The following RIMOC1 variants were observed in gnomAD, a reference collection of about 807,000 sequenced individuals.
RIMOC1 encodes the protein RAB7A-interacting MON1-CCZ1 complex subunit 1.
the RIMOC1 span, chr5:41,910,905 G>A: frequency 1.3e-6 from 1 of 742,002 alleles, no homozygotes; most frequent in South Asian, 1.9e-5. Context: ...TTGAAAATAA[G>A]GCCTCCCTGT....
chr5:41,917,149 T>C, the RIMOC1 span: 2 of 1,613,856 alleles, frequency 1.2e-6, no homozygotes, highest in Non-Finnish European at 1.7e-6. Context: ...CGGGCTGCAC[T>C]ACATACAAGG....
chr5:41,919,917 A>C, the RIMOC1 span: 1 of 152,138 alleles, frequency 6.6e-6, no homozygotes, highest in Non-Finnish European at 1.5e-5. Context: ...ACCTGTATAC[A>C]TAGTGCTTAA....
the RIMOC1 span, chr5:41,909,801 C>T: frequency 6.3e-6 from 10 of 1,589,540 alleles, no homozygotes; most frequent in East Asian, 2.3e-5. Context: ...GAAGATTTTC[C>T]TGAAGACTCT....
chr5:41,907,975 G>C, the RIMOC1 span: 1 of 622,708 alleles, frequency 1.6e-6, no homozygotes, highest in East Asian at 3.1e-5. Context: ...AAAAAACTAT[G>C]AATAAAACAC....
At chr5:41,912,348 G>A in the RIMOC1 span, among the ~76,000 whole-genome samples, 1 of 152,190 alleles carries the variant, frequency 6.6e-6, no homozygotes, top group Non-Finnish European at 1.5e-5. Context: ...AAAATCTTTT[G>A]ATGTAATACA....
At chr5:41,919,210 A>C in the RIMOC1 span, 1 of 152,282 alleles carries the variant, frequency 6.6e-6, no homozygotes, top group East Asian at 1.9e-4. Flanking sequence ...CCAAACGTCA[A>C]GTCCTCATCT....
chr5:41,913,569 A>G, the RIMOC1 span, among the ~76,000 whole-genome samples: 1 of 152,216 alleles, frequency 6.6e-6, no homozygotes, highest in Non-Finnish European at 1.5e-5. Flanking sequence ...ATTAGATCAC[A>G]TGTGTAAACC....
chr5:41,914,318 T>C, the RIMOC1 span, among the ~76,000 whole-genome samples: 1 of 152,094 alleles, frequency 6.6e-6, no homozygotes, highest in African/African-American at 2.4e-5. Flanking sequence ...TGCTACATAC[T>C]GTCCTAAGTC....
At chr5:41,913,738 G>GA in the RIMOC1 span, among the ~76,000 whole-genome samples, 2 of 151,676 alleles carry the variant, frequency 1.3e-5, no homozygotes, top group African/African-American at 4.8e-5. Flanking sequence ...GCATTTCATA[G>GA]AAAAAAAATA....
chr5:41,916,962 C>T, the RIMOC1 span: 74 of 1,434,004 alleles, frequency 5.2e-5, no homozygotes, highest in East Asian at 1.2e-4. Context: ...TTAATAACTA[C>T]GGTTTCTTTT....
chr5:41,907,255 A>C, the RIMOC1 span, among the ~76,000 whole-genome samples: 1 of 152,204 alleles, frequency 6.6e-6, no homozygotes, highest in Non-Finnish European at 1.5e-5. Context: ...ACAATTATAA[A>C]ATTGCTCATA....
At chr5:41,912,008 T>A in the RIMOC1 span, 1 of 1,010,424 alleles carries the variant, frequency 9.9e-7, no homozygotes, top group Non-Finnish European at 1.6e-6. Context: ...ATATTAGTAT[T>A]TGAAGTTTAT....
At chr5:41,907,951 G>A in the RIMOC1 span, 1 of 675,156 alleles carries the variant, frequency 1.5e-6, no homozygotes, top group Non-Finnish European at 2.4e-6. Flanking sequence ...TATTTCAAGT[G>A]TTTAATTTTG....
At chr5:41,909,735 T>C in the RIMOC1 span, 20 of 1,522,718 alleles carry the variant, frequency 1.3e-5, no homozygotes, top group East Asian at 2.4e-5. Context: ...TTTCTTTTTT[T>C]TTTTTTTTAG....
At chr5:41,915,273 A>C in the RIMOC1 span, among the ~76,000 whole-genome samples, 2 of 152,278 alleles carry the variant, frequency 1.3e-5, no homozygotes, top group Non-Finnish European at 2.9e-5. Context: ...AAACTGTCCA[A>C]CTTTTACACC....
the RIMOC1 span, chr5:41,917,091 C>T: frequency 1.2e-6 from 2 of 1,613,770 alleles, no homozygotes; most frequent in South Asian, 2.2e-5. Flanking sequence ...AAGTATTGTG[C>T]TGATCAGCAA....
the RIMOC1 span, chr5:41,917,521 C>T: frequency 8.2e-7 from 1 of 1,215,566 alleles, no homozygotes. Flanking sequence ...GTTGTTCAAA[C>T]TCACCTTAAA....
At chr5:41,916,479 T>C in the RIMOC1 span, 1 of 962,842 alleles carries the variant, frequency 1.0e-6, no homozygotes, top group Non-Finnish European at 1.2e-6. Context: ...ATAACACCTT[T>C]AATAATTTAA....
chr5:41,909,441 T>G, the RIMOC1 span, among the ~76,000 whole-genome samples: 3 of 152,160 alleles, frequency 2.0e-5, no homozygotes, highest in Admixed American at 6.5e-5. Context: ...ATATAATAAT[T>G]ACCTTTTTCA....
Sources: gnomAD v4.1 joint callset for allele counts (sites outside exome capture counted in the v4.1 genomes callset) on GRCh38, gnomAD v4.1.1 for gene constraint, MANE v1.5 for transcripts, NCBI Gene and HGNC (gene_info 2026-07-23, HGNC 2026-07-21) for gene names.